Variants in SHANK2 observed in about 807,000 individuals in gnomAD.
The protein encoded by SHANK2 is SH3 and multiple ankyrin repeat domains protein 2.
A neutral mutation model predicts 133.7 loss-of-function variants in SHANK2; 43 were observed. That is an observed-to-expected ratio of 0.32 (90% CI 0.25 to 0.41). The LOEUF is 0.41. Among genes scored for constraint, SHANK2 ranks in the 10% least tolerant of loss-of-function variants. The pLI is 1.00. For synonymous variants in SHANK2, 1,017 were observed against 952.8 expected (o/e 1.07, Z -1.24); for missense variants, 1,994 against 2,235.8 (o/e 0.89, Z 2.18).
chr11:70,555,475 G>A (rs1265758629), intron 17 of SHANK2, among the ~76,000 whole-genome samples: 2 of 152,264 alleles, frequency 1.3e-5, no homozygotes, highest in Non-Finnish European at 2.9e-5. Flanking sequence ...GCTGGGTGGG[G>A]CGGCTCACGC....
At chr11:71,069,270 C>T (rs1177199310) in intron 9 of SHANK2, among the ~76,000 whole-genome samples, 1 of 152,068 alleles carries the variant, frequency 6.6e-6, no homozygotes, top group African/African-American at 2.4e-5. Flanking sequence ...ATCACCACCA[C>T]CACCATCAGC....
intron 15 of SHANK2, among the ~76,000 whole-genome samples, chr11:70,673,514 G>C (rs1006945555): frequency 7.9e-5 from 12 of 152,224 alleles, no homozygotes; most frequent in Non-Finnish European, 1.2e-4. Flanking sequence ...TCCCTCTGGT[G>C]GGGGTGGGGA....
chr11:70,493,771 G>A (rs1299193873), intron 21 of SHANK2, among the ~76,000 whole-genome samples: 1 of 152,208 alleles, frequency 6.6e-6, no homozygotes, highest in Non-Finnish European at 1.5e-5. Context: ...GGAGAAGCAG[G>A]CCATCTGGAA....
intron 14 of SHANK2, among the ~76,000 whole-genome samples, chr11:70,778,830 T>C (rs1162715225): frequency 2.0e-5 from 3 of 152,172 alleles, no homozygotes; most frequent in Non-Finnish European, 2.9e-5. Flanking sequence ...GGCAGCCCAG[T>C]GTAGCACTAA....
intron 2 of SHANK2, among the ~76,000 whole-genome samples, chr11:71,194,954 G>C (rs1953870562): frequency 6.6e-6 from 1 of 152,200 alleles, no homozygotes; most frequent in South Asian, 2.1e-4. Context: ...TCCTTCGTGG[G>C]TTAATGGTTT....
intron 14 of SHANK2, among the ~76,000 whole-genome samples, chr11:70,748,504 G>A (rs183443135): frequency 9.9e-4 from 151 of 152,286 alleles, no homozygotes; most frequent in Non-Finnish European, 1.9e-3. Context: ...CCTAGAATCA[G>A]GGAGGGCCAG....
At chr11:70,516,078 A>C (rs2059262526) in intron 17 of SHANK2, among the ~76,000 whole-genome samples, 1 of 152,182 alleles carries the variant, frequency 6.6e-6, no homozygotes, top group Non-Finnish European at 1.5e-5. Flanking sequence ...GTAGCTCCTA[A>C]AAGACTAAGT....
intron 3 of SHANK2, among the ~76,000 whole-genome samples, chr11:71,128,926 A>G (rs1449815022): frequency 2.6e-5 from 4 of 152,204 alleles, no homozygotes; most frequent in African/African-American, 9.6e-5. Flanking sequence ...CTGGGACTAC[A>G]GGTGCCCACC....
At chr11:70,723,433 T>A (rs1173325097) in intron 14 of SHANK2, among the ~76,000 whole-genome samples, 1 of 151,946 alleles carries the variant, frequency 6.6e-6, no homozygotes, top group Non-Finnish European at 1.5e-5. Context: ...CAGCCAGCAA[T>A]GAAGCCCTTA....
At chr11:71,223,414 G>A (rs1555121652) in intron 2 of SHANK2, among the ~76,000 whole-genome samples, 1 of 152,172 alleles carries the variant, frequency 6.6e-6, no homozygotes, top group Non-Finnish European at 1.5e-5. Context: ...ATATTTTTTA[G>A]TTGCATCTGT....
chr11:70,647,166 A>G (rs1486639721), intron 17 of SHANK2, among the ~76,000 whole-genome samples: 2 of 152,136 alleles, frequency 1.3e-5, no homozygotes, highest in Non-Finnish European at 1.5e-5. Flanking sequence ...GCGCCCAGCC[A>G]AAAGAAATCT....
intron 2 of SHANK2, among the ~76,000 whole-genome samples, chr11:71,153,608 A>T (rs1252093533): frequency 6.6e-6 from 1 of 152,074 alleles, no homozygotes; most frequent in Non-Finnish European, 1.5e-5. Context: ...CAAACAAAAA[A>T]CCTCACGGCC....
At chr11:71,219,466 A>C (rs1954491164) in intron 2 of SHANK2, among the ~76,000 whole-genome samples, 1 of 152,260 alleles carries the variant, frequency 6.6e-6, no homozygotes, top group Non-Finnish European at 1.5e-5. Flanking sequence ...TTTTCTGAAG[A>C]TATTCAAATA....
intron 15 of SHANK2, chr11:70,662,129 C>A: frequency 2.7e-6 from 1 of 370,608 alleles, no homozygotes; most frequent in South Asian, 2.8e-5. Flanking sequence ...TCCAGGGAAG[C>A]CCGGGAAAAT....
intron 24 of SHANK2, among the ~76,000 whole-genome samples, chr11:70,488,164 C>T (rs557659141): frequency 8.2e-4 from 125 of 152,332 alleles, no homozygotes; most frequent in African/African-American, 2.9e-3. Context: ...AGGAGGTATC[C>T]TTCCACCATG....
At chr11:70,626,699 C>G (rs1304297902) in intron 17 of SHANK2, among the ~76,000 whole-genome samples, 1 of 152,198 alleles carries the variant, frequency 6.6e-6, no homozygotes, top group East Asian at 1.9e-4. Flanking sequence ...GGCTACTATC[C>G]CTGTAGTACC....
chr11:70,775,636 C>T (rs1046152551), intron 14 of SHANK2, among the ~76,000 whole-genome samples: 12 of 152,182 alleles, frequency 7.9e-5, no homozygotes, highest in Admixed American at 3.3e-4. Flanking sequence ...CCTAGAAACA[C>T]GGGTTCCTCC....
intron 11 of SHANK2, among the ~76,000 whole-genome samples, chr11:70,840,637 T>C (rs1028581854): frequency 1.3e-5 from 2 of 152,174 alleles, no homozygotes; most frequent in Non-Finnish European, 2.9e-5. Flanking sequence ...GGCAGCCACA[T>C]ACTGTAGCTC....
intron 4 of SHANK2, 107 bp from the exon 5 acceptor site, chr11:71,113,471 C>A: frequency 1.0e-6 from 1 of 971,338 alleles, no homozygotes; most frequent in Non-Finnish European, 1.6e-6. Context: ...GACGGGGAAC[C>A]CCACAGCAAA....
Sources: allele counts gnomAD v4.1 joint callset (sites outside exome capture counted in the v4.1 genomes callset), GRCh38; gene constraint gnomAD v4.1.1; transcripts MANE v1.5; gene names NCBI Gene and HGNC (gene_info 2026-07-23, HGNC 2026-07-21).